Variants in LRIG1 observed in about 807,000 individuals in gnomAD.
The protein encoded by LRIG1 is leucine rich repeats and immunoglobulin like domains 1.
In LRIG1, 48 loss-of-function variants were observed where a neutral mutation model predicts 99.2. The observed-to-expected ratio is 0.48, with a 90% CI of 0.38 to 0.62. LRIG1 has a LOEUF of 0.62. Ranked by LOEUF, LRIG1 falls within the 20% of genes least tolerant of loss-of-function variation. The probability of loss-of-function intolerance (pLI) is 0.00; values close to 1 mark genes in which losing one functional copy is unlikely to be tolerated. For synonymous variants in LRIG1, 772 were observed against 596.1 expected, an observed-to-expected ratio of 1.29 and a Z score of -4.30; for missense variants, 1,646 against 1,434.4, an observed-to-expected ratio of 1.15 and a Z score of -2.38.
At chr3:66,463,708 T>C (rs1212668823) in intron 1 of LRIG1, among the ~76,000 whole-genome samples, 3 of 152,204 alleles carry the variant, frequency 2.0e-5, no homozygotes, top group Non-Finnish European at 4.4e-5. Flanking sequence ...CTCACACTAC[T>C]GCCAATTAAC....
rs369879327 is a variant in LRIG1 at position 66,407,479 on chromosome 3, G to A, written c.948C>T (p.Phe316=). Residue 316 remains phenylalanine (F), a synonymous_variant, in exon 8 of 19, where the codon TTC becomes TTT. Transcript: ENST00000273261. ...CQKLHELVLS[F]NNLTRLDEES... ...CCTCGTCCAGCCGTGTCAGGTTGTT[G>A]AAGGACAGGACCCTGAGGAAAGGGA... is the stretch of plus-strand genomic sequence containing the variant. 1.8e-5 allele frequency: 29 copies of A among 1,613,944 alleles called. No homozygotes were observed. The highest frequency in any genetic ancestry group is 1.4e-5 in the Non-Finnish European group (16 of 1,180,058).
rs1220171505 is a variant in LRIG1, at chr3:66,384,021, T to G, written c.2041A>C (p.Ile681Leu). The G allele has an allele frequency of 1.9e-6, 3 of 1,613,516 alleles. No homozygotes were observed. The highest frequency in any genetic ancestry group is 4.5e-5 in the East Asian group (2 of 44,858). The change falls in exon 14 of 19, where the codon ATT (isoleucine) becomes CTT (leucine). Residue 681 changes from isoleucine to leucine, a missense_variant. Ile to Leu is a conservative substitution (Grantham distance 5). Coordinates refer to ENST00000273261, the MANE Select transcript of LRIG1 (RefSeq NM_015541.3). ...SCTAQNSAGS[I>L]SANATLTVLE... ...ACAGTCAGGGTGGCATTAGCTGAAA[T>G]AGAACCGGCTGAGTTCTGAGCAGTA... is the stretch of plus-strand genomic sequence containing the variant.
At chr3:66,444,898 T>C (rs1040347522) in intron 3 of LRIG1, among the ~76,000 whole-genome samples, 2 of 151,716 alleles carry the variant, frequency 1.3e-5, no homozygotes, top group African/African-American at 2.4e-5. Flanking sequence ...CACACACACA[T>C]ATCTGTATCT....
At chr3:66,463,968 GA>G (rs1417905017) in intron 1 of LRIG1, among the ~76,000 whole-genome samples, 2 of 152,208 alleles carry the variant, frequency 1.3e-5, no homozygotes, top group African/African-American at 4.8e-5. Flanking sequence ...CATAAAGACT[GA>G]AGGTGGTAAT....
intron 1 of LRIG1, among the ~76,000 whole-genome samples, chr3:66,468,622 GCACC>G (rs993486479): frequency 4.6e-5 from 7 of 152,138 alleles, no homozygotes; most frequent in African/African-American, 1.4e-4. Flanking sequence ...GCACCAGTGG[GCACC>G]CAGCTCTGGC....
At chr3:66,401,821 C>A in intron 9 of LRIG1, 4 of 508,798 alleles carry the variant, frequency 7.9e-6, no homozygotes, top group Middle Eastern at 1.0e-3. Context: ...CTGCGGGAGT[C>A]ACCTGTCAAA....
rs1700915721 is a variant in LRIG1, at chr3:66,379,669, C to T, written c.*594G>A. ...ACTGCAAGTGTGGATGGCACTTGCACCCCTGGCTCTACAGACAGGGAAGCC... is the reference window on the plus strand; with the variant it reads ...ACTGCAAGTGTGGATGGCACTTGCATCCCTGGCTCTACAGACAGGGAAGCC... On this transcript the variant is annotated 3_prime_UTR_variant, in exon 19 of 19. Transcript: ENST00000273261. 6.6e-6 allele frequency: 1 copy of T among 152,276 alleles called. No individual in the cohort carries two copies. Among genetic ancestry groups the T allele is most frequent in the African/African-American group, 2.4e-5 (1 of 41,458 alleles). The allele number at this position is 152,276 out of a possible 1,614,324, so 9.4% of individuals were successfully genotyped here. A position where few individuals can be genotyped will look rare whatever the true frequency, so the allele number is the denominator to read the frequency against.
At chr3:66,453,729 C>T (rs1453772713) in intron 2 of LRIG1, among the ~76,000 whole-genome samples, 1 of 152,156 alleles carries the variant, frequency 6.6e-6, no homozygotes, top group Non-Finnish European at 1.5e-5. Flanking sequence ...AGGAGAGCAG[C>T]GGGCTCAAAG....
At chr3:66,411,716 G>T (rs1359169374) in intron 6 of LRIG1, among the ~76,000 whole-genome samples, 3 of 152,144 alleles carry the variant, frequency 2.0e-5, no homozygotes, top group Non-Finnish European at 4.4e-5. Flanking sequence ...TTCGAGTCAT[G>T]ATATAATTTG....
chr3:66,389,375 G>T (rs952459960), intron 12 of LRIG1, among the ~76,000 whole-genome samples: 5 of 152,056 alleles, frequency 3.3e-5, no homozygotes, highest in Non-Finnish European at 7.4e-5. Context: ...ATTAGTAAAT[G>T]CATTAAAGGA....
chr3:66,499,773 G>A (rs993597638), intron 1 of LRIG1, among the ~76,000 whole-genome samples: 2 of 152,046 alleles, frequency 1.3e-5, no homozygotes, highest in Non-Finnish European at 1.5e-5. Context: ...TACAGGAGAG[G>A]AAAAGGAAAC....
intron 8 of LRIG1, chr3:66,405,755 G>C: frequency 8.6e-7 from 1 of 1,160,158 alleles, no homozygotes. Context: ...CTCCGTACCA[G>C]CCAGTGGGTC....
chr3:66,382,133 C>T (rs1575641448), intron 16 of LRIG1, 140 bp downstream of exon 16: 1 of 945,358 alleles, frequency 1.1e-6, no homozygotes, highest in South Asian at 1.5e-5. Flanking sequence ...AATAGCAGCC[C>T]TTAGTCATAC....
At chr3:66,469,907 C>CCAA (rs1700558192) in intron 1 of LRIG1, among the ~76,000 whole-genome samples, 1 of 115,808 alleles carries the variant, frequency 8.6e-6, no homozygotes, top group Admixed American at 9.7e-5. Flanking sequence ...CTGTCCCTAC[C>CCAA]AAAAAAAAAA....
chr3:66,399,098 G>T (rs1042007497), intron 9 of LRIG1, 57 bp from the exon 10 acceptor site: 2 of 1,375,886 alleles, frequency 1.5e-6, no homozygotes, highest in African/African-American at 1.4e-5. Context: ...AAACAGGAAG[G>T]GTTGAGAGAA....
chr3:66,453,363 T>C (rs1243039543), intron 2 of LRIG1, among the ~76,000 whole-genome samples: 4 of 152,216 alleles, frequency 2.6e-5, no homozygotes, highest in Non-Finnish European at 5.9e-5. Context: ...TTAATGCATC[T>C]CTACAGCCCT....
intron 3 of LRIG1, among the ~76,000 whole-genome samples, chr3:66,443,448 C>T (rs1483136523): frequency 6.6e-6 from 1 of 152,134 alleles, no homozygotes; most frequent in Non-Finnish European, 1.5e-5. Context: ...CCTCCAAGTA[C>T]CCACTGTGTT....
At chr3:66,386,476 G>A (rs962985018) in intron 12 of LRIG1, 175 bp from the exon 13 acceptor site, 4 of 608,338 alleles carry the variant, frequency 6.6e-6, no homozygotes, top group African/African-American at 5.5e-5. Context: ...ATGGACATCT[G>A]ACCTCATCTA....
chr3:66,429,212 G>A (rs1703075867), intron 3 of LRIG1, among the ~76,000 whole-genome samples: 1 of 152,110 alleles, frequency 6.6e-6, no homozygotes, highest in African/African-American at 2.4e-5. Flanking sequence ...CCTTGCTACA[G>A]CAGATCCCAT....
Sources: allele counts gnomAD v4.1 joint callset (sites outside exome capture counted in the v4.1 genomes callset), GRCh38; gene constraint gnomAD v4.1.1; transcripts MANE v1.5; gene names NCBI Gene and HGNC (gene_info 2026-07-23, HGNC 2026-07-21).